The following KNDC1 variants were observed in gnomAD, a reference collection of about 807,000 sequenced individuals.
The protein encoded by KNDC1 is kinase non-catalytic C-lobe domain containing 1.
A neutral mutation model predicts 172.8 loss-of-function variants in KNDC1; 106 were observed. That is an observed-to-expected ratio of 0.61 (90% CI 0.52 to 0.72). The LOEUF (loss-of-function observed/expected upper bound fraction) is 0.72. Ranked by LOEUF, KNDC1 falls within the 30% of genes least tolerant of loss-of-function variation. KNDC1 has a pLI of 0.00. For synonymous variants in KNDC1, 1,083 were observed against 1,062.2 expected (o/e 1.02, Z -0.38); for missense variants, 2,325 against 2,394.5 (o/e 0.97, Z 0.61).
At chr10:133,178,329 T>G (rs1437859542) in intron 3 of KNDC1, among the ~76,000 whole-genome samples, 1 of 152,162 alleles carries the variant, frequency 6.6e-6, no homozygotes, top group East Asian at 1.9e-4. Context: ...AGGCTTTCAG[T>G]GGATAGTGCT....
At chr10:133,184,198 GCACACCCATGCTGCACACACCCATGCACA>G (rs1291224286) in intron 5 of KNDC1, among the ~76,000 whole-genome samples, 2 of 132,414 alleles carry the variant, frequency 1.5e-5, no homozygotes, top group South Asian at 2.4e-4. Context: ...CTATGCACAT[GCACACCCATGCTGCACACACCCATGCACA>G]CACACCCATG....
chr10:133,186,081 G>A lies in KNDC1; in HGVS notation c.733G>A (p.Gly245Ser), dbSNP rs1467248094. 4 of 1,599,566 alleles carry A rather than the reference G, an allele frequency of 2.5e-6. No homozygotes were observed. Among genetic ancestry groups the A allele is most frequent in the Non-Finnish European group, 3.4e-6 (4 of 1,174,236 alleles). The change falls in exon 6 of 30, where the codon GGC (glycine) becomes AGC (serine). Residue 245 changes from glycine (G) to serine (S), a missense_variant. Physicochemically the swap from Gly to Ser is moderately conservative, Grantham distance 56. Coordinates refer to ENST00000304613, the MANE Select transcript of KNDC1 (RefSeq NM_152643.8). ...CCCGGAGGTTCTGCCGACCCCCGAAGGCCCGGAGTCTGAGACGAGCCGGGG... is the reference window on the plus strand; with the variant it reads ...CCCGGAGGTTCTGCCGACCCCCGAAAGCCCGGAGTCTGAGACGAGCCGGGG... ...TDPEVLPTPE[G>S]PESETSRGPR...
rs543640185 is a variant in KNDC1 at position 133,163,414 on chromosome 10, A to G, written c.102+2845A>G. Among the ~76,000 whole-genome samples the G allele has an allele frequency of 6.6e-6, 1 of 152,114 alleles. No homozygotes were observed. Among genetic ancestry groups the G allele is most frequent in the Non-Finnish European group, 1.5e-5 (1 of 68,016 alleles). On this transcript the variant is annotated intron_variant, in intron 1 of 29. Transcript: ENST00000304613. This position sits in a 1 kb window ranked among gnomAD's most constrained non-coding sequence, Gnocchi z 4.4. The stretch of plus-strand genomic sequence containing the variant: ...GCACACAGCTGGGGGCTCCCAGTAA[A>G]GAAGAGGACGTCCCCGCTGCAGGGT...
chr10:133,198,081 C>CT (rs1472147684), intron 12 of KNDC1, among the ~76,000 whole-genome samples: 1 of 152,172 alleles, frequency 6.6e-6, no homozygotes, highest in Non-Finnish European at 1.5e-5. Context: ...CTGAGCCCTG[C>CT]TCAGCAGGCC....
intron 20 of KNDC1, 98 bp from the exon 21 acceptor site, chr10:133,210,513 C>A: frequency 4.1e-6 from 3 of 732,994 alleles, no homozygotes; most frequent in Non-Finnish European, 7.5e-6. Context: ...TCAAAGAAAA[C>A]GCACACACAC....
chr10:133,165,022 C>A (rs1318062334), intron 1 of KNDC1, among the ~76,000 whole-genome samples: 1 of 152,192 alleles, frequency 6.6e-6, no homozygotes, highest in Non-Finnish European at 1.5e-5. Context: ...GGGCAGGTGA[C>A]CCGGGGCCCA....
intron 6 of KNDC1, among the ~76,000 whole-genome samples, 183 bp downstream of exon 6, chr10:133,186,857 G>A (rs1564884784): frequency 6.6e-6 from 1 of 152,344 alleles, no homozygotes; most frequent in East Asian, 1.9e-4. Context: ...TGCGGCTGGG[G>A]ATGCTGTCAC....
chr10:133,211,384 C>T (rs1845359277), intron 21 of KNDC1, 38 bp from the exon 22 acceptor site: 2 of 1,598,906 alleles, frequency 1.3e-6, no homozygotes, highest in East Asian at 4.5e-5. Context: ...CCCCGACTCC[C>T]ACATCCTGGC....
intron 1 of KNDC1, among the ~76,000 whole-genome samples, chr10:133,164,627 G>T (rs1001155375): frequency 6.6e-6 from 1 of 152,216 alleles, no homozygotes; most frequent in Non-Finnish European, 1.5e-5. Flanking sequence ...CCGGCTGGGC[G>T]TATTTTACTT....
rs111528798 is a variant in KNDC1, at chr10:133,196,912, C to T, written c.1735-146C>T. 8.7e-4 allele frequency: 559 copies of T among 640,776 alleles called. 4 individuals are homozygous for T. The highest frequency in any genetic ancestry group is 7.8e-3 in the African/African-American group (429 of 54,988). 39.7% of individuals were successfully genotyped at this position (640,776 alleles called of 1,614,324 possible). A position where few individuals can be genotyped will look rare whatever the true frequency, so the allele number is the denominator to read the frequency against. On this transcript the variant is annotated intron_variant, in intron 10 of 29. Coordinates refer to ENST00000304613, the MANE Select transcript of KNDC1 (RefSeq NM_152643.8). ...GGAAATGCTCTAAGAAAGGCTTGTC[C>T]GGGGCCTGTAGTTGGGTGTCGGTGA...
At chr10:133,175,415 G>A in intron 3 of KNDC1, among the ~76,000 whole-genome samples, 1 of 57,292 alleles carries the variant, frequency 1.7e-5, no homozygotes, top group African/African-American at 3.6e-5. Flanking sequence ...GTGAGTGGGT[G>A]GATGGGTAGA....
chr10:133,216,732 G>C (rs1045266558), intron 26 of KNDC1, among the ~76,000 whole-genome samples: 1 of 152,200 alleles, frequency 6.6e-6, no homozygotes, highest in South Asian at 2.1e-4. Flanking sequence ...GGTTTCTTTA[G>C]ATTTGTTTAA....
chr10:133,167,210 C>T (rs544738554), intron 1 of KNDC1, 171 bp from the exon 2 acceptor site: 58 of 645,800 alleles, frequency 9.0e-5, no homozygotes, highest in Non-Finnish European at 1.5e-4. Flanking sequence ...GTCCAGGGAA[C>T]AGCAGGACGA....
chr10:133,215,951 C>T lies in KNDC1; in HGVS notation c.4677+1829C>T, dbSNP rs12254890. ...TCAGAACAGGCCCCTCACCTCCTCA[C>T]GGGAGCGGACGGACCTCGCCGGAGA... On this transcript the variant is annotated intron_variant, in intron 26 of 29. Coordinates refer to ENST00000304613, the MANE Select transcript of KNDC1 (RefSeq NM_152643.8). 5.6e-3 allele frequency among the ~76,000 whole-genome samples: 847 copies of T among 152,342 alleles called. 8 individuals carry two copies. The highest frequency in any genetic ancestry group is 0.019 in the African/African-American group (805 of 41,574).
In KNDC1 at chr10:133,167,488, C is replaced by T. The variant is rs1280863098; in HGVS notation, c.210C>T (p.Ala70=). ...LECSLSMRSV[A]HAAIFQSLCI... is the part of the protein sequence containing the mutation. ...GCAGCCTGTCCATGCGGAGCGTGGC[C>T]CACGCCGCCATCTTCCAGAGCCTGT... The change falls in exon 2 of 30, where the codon GCC becomes GCT. Residue 70 remains alanine, a synonymous_variant. Transcript: ENST00000304613. The T allele has an allele frequency of 1.2e-6, 2 of 1,605,700 alleles. No homozygotes were observed. The highest frequency in any genetic ancestry group is 2.2e-5 in the East Asian group (1 of 44,558).
chr10:133,185,379 G>A (rs1272498888), intron 5 of KNDC1, among the ~76,000 whole-genome samples: 1 of 137,586 alleles, frequency 7.3e-6, no homozygotes, highest in Non-Finnish European at 1.6e-5. Context: ...GTGTGGAGTA[G>A]GCAGTGTGTA....
At chr10:133,200,316 A>C (rs1854323735) in intron 15 of KNDC1, 59 bp from the exon 16 acceptor site, 1 of 1,334,492 alleles carries the variant, frequency 7.5e-7, no homozygotes, top group African/African-American at 1.5e-5. Context: ...CGCCCTGTGG[A>C]GACTGTGGCC....
chr10:133,177,929 GTGT>G (rs1266162708), intron 3 of KNDC1, among the ~76,000 whole-genome samples: 5 of 148,108 alleles, frequency 3.4e-5, no homozygotes, highest in South Asian at 2.2e-4. Context: ...AGCATGTAGT[GTGT>G]TATGTCACGG....
At chr10:133,194,315 G>A (rs1197082139) in intron 9 of KNDC1, among the ~76,000 whole-genome samples, 3 of 152,144 alleles carry the variant, frequency 2.0e-5, no homozygotes, top group Admixed American at 6.5e-5. Flanking sequence ...GTGTCAAAGA[G>A]AAAATTTCAA....
Sources: allele counts gnomAD v4.1 joint callset (sites outside exome capture counted in the v4.1 genomes callset), GRCh38; gene constraint gnomAD v4.1.1; non-coding constraint Gnocchi (gnomAD v3.1); transcripts MANE v1.5; gene names NCBI Gene and HGNC (gene_info 2026-07-23, HGNC 2026-07-21).